The following OSMR variants were observed in gnomAD, a reference collection of about 807,000 sequenced individuals.
OSMR encodes oncostatin-M-specific receptor subunit beta.
OSMR carries 81 observed loss-of-function variants against 99.9 expected under a neutral mutation model. The ratio of observed to expected loss-of-function variants is 0.81; its 90% CI spans 0.68 to 0.97. The LOEUF (loss-of-function observed/expected upper bound fraction) is 0.97, where lower values mean the gene tolerates loss of function less well. OSMR is among the 50% of genes least tolerant of loss of function. OSMR has a pLI of 0.00. For synonymous variants in OSMR, 406 were observed against 410.4 expected (o/e 0.99, Z 0.13); for missense variants, 1,099 against 1,153.4 (o/e 0.95, Z 0.68).
At chr5:38,893,519 A>G (rs927593573) in intron 7 of OSMR, among the ~76,000 whole-genome samples, 11 of 152,210 alleles carry the variant, frequency 7.2e-5, no homozygotes, top group African/African-American at 2.4e-4. Flanking sequence ...AAACTCACTT[A>G]AGGAATTTCA....
downstream of OSMR, chr5:38,940,130 TA>T (rs1554057737): frequency 0.011 from 938 of 84,128 alleles, no homozygotes; most frequent in Non-Finnish European, 0.014. Context: ...AAAGTAACAG[TA>T]AAAAAAAAAA....
At chr5:38,918,649 C>A in intron 10 of OSMR, 191 bp from the exon 11 acceptor site, 1 of 726,308 alleles carries the variant, frequency 1.4e-6, no homozygotes, top group Non-Finnish European at 1.7e-6. Context: ...CTCTTCTCTA[C>A]TCACCTTCAG....
At chr5:38,876,604 A>C (rs1051705338) in intron 3 of OSMR, among the ~76,000 whole-genome samples, 2 of 152,204 alleles carry the variant, frequency 1.3e-5, no homozygotes, top group Admixed American at 1.3e-4. Flanking sequence ...AGATTTTCTC[A>C]GTTTTGCTCT....
At chr5:38,902,412 C>A (rs1182062999) in intron 7 of OSMR, among the ~76,000 whole-genome samples, 1 of 152,234 alleles carries the variant, frequency 6.6e-6, no homozygotes, top group Non-Finnish European at 1.5e-5. Flanking sequence ...GGGCCCTGCC[C>A]ACAACCAGAT....
rs564126258 is a variant in OSMR, at chr5:38,908,448, G to A, written c.1285+3945G>A. Among the ~76,000 whole-genome samples the A allele has an allele frequency of 3.3e-5, 5 of 152,216 alleles. No homozygotes were observed. The East Asian group carries it at 9.6e-4, about 29-fold the overall frequency. On this transcript the variant is annotated intron_variant, in intron 9 of 17. Coordinates refer to ENST00000274276, the MANE Select transcript of OSMR (RefSeq NM_003999.3). ...TGCACTGCCCTAGCTGCTGGCACAT[G>A]TGAGTGAGCATGGACCCTGCTGCCA...
At chr5:38,925,176 GA>G (rs576680086) in intron 14 of OSMR, 27 bp from the exon 15 acceptor site, 30 of 1,588,006 alleles carry the variant, frequency 1.9e-5, no homozygotes, top group Admixed American at 1.0e-4. Context: ...TTTTTTCCTT[GA>G]AAAAAAAACC....
At position 38,879,655 on chromosome 5, in the gene OSMR, ACT is replaced by A. The variant is rs1192939979; in HGVS notation, c.247-1935_247-1934del. Among the ~76,000 whole-genome samples the A allele has an allele frequency of 4.6e-4, 60 of 131,134 alleles. 1 individual carries two copies. The highest frequency in any genetic ancestry group is 1.5e-3 in the African/African-American group (50 of 33,780). 86.0% of individuals were successfully genotyped at this position (131,134 alleles called of 152,430 possible). Reference sequence around the variant, plus strand: ...TTTTTTTTTTTTGAGATGGAGTCTCACTCTGTTGCCCAGGGTGGAGTGCAGTG... The same window carrying A: ...TTTTTTTTTTTTGAGATGGAGTCTCACTGTTGCCCAGGGTGGAGTGCAGTG... On this transcript the variant is annotated intron_variant, in intron 3 of 17. Transcript: ENST00000274276.
intron 1 of OSMR, among the ~76,000 whole-genome samples, chr5:38,859,485 T>G (rs1418121153): frequency 6.6e-6 from 1 of 152,200 alleles, no homozygotes; most frequent in Non-Finnish European, 1.5e-5. Flanking sequence ...AATATCATGC[T>G]GTTTGGGTTA....
chr5:38,908,316 G>A (rs1475417379), intron 9 of OSMR, among the ~76,000 whole-genome samples: 1 of 152,166 alleles, frequency 6.6e-6, no homozygotes, highest in Non-Finnish European at 1.5e-5. Flanking sequence ...ACTGTCACTG[G>A]CACTTCTGCC....
intron 1 of OSMR, among the ~76,000 whole-genome samples, chr5:38,857,058 C>G (rs1740912184): frequency 2.0e-5 from 3 of 152,170 alleles, no homozygotes; most frequent in African/African-American, 7.2e-5. Context: ...CTTTTATTCT[C>G]TAATTTCTGC....
chr5:38,942,451 A>T, intron 1 of OSMR: 3 of 788,538 alleles, frequency 3.8e-6, no homozygotes, highest in South Asian at 2.7e-5. Flanking sequence ...ATAAATATCT[A>T]ATTTTTTTTT....
At chr5:38,931,854 A>T (rs1234469250) in intron 15 of OSMR, 29 bp from the exon 16 acceptor site, 4 of 1,603,196 alleles carry the variant, frequency 2.5e-6, no homozygotes. Flanking sequence ...GTACTTATTA[A>T]AAATGTCCCT....
At chr5:38,868,972 GA>G in intron 1 of OSMR, 59 bp from the exon 2 acceptor site, 1 of 1,583,712 alleles carries the variant, frequency 6.3e-7, no homozygotes, top group Non-Finnish European at 8.6e-7. Context: ...TTGGCTCGAA[GA>G]AATTTGCCAG....
Position 38,885,472 on chromosome 5 carries a change from C to G in OSMR, c.827C>G (p.Thr276Ser). Residue 276 changes from threonine (T) to serine (S), a missense_variant, in exon 6 of 18, where the codon ACT becomes AGT. Coordinates refer to ENST00000274276, the MANE Select transcript of OSMR (RefSeq NM_003999.3). ...TCTAAACAACCTTCCCAAAGCTACA[C>G]TTTATTTGAATCGTAAGTTGGCTCT... is the stretch of plus-strand genomic sequence containing the variant. ...GWSKQPSQSYTLFESFSGEKK... is the reference protein window; with the variant it reads ...GWSKQPSQSYSLFESFSGEKK... The G allele has an allele frequency of 5.0e-6, 8 of 1,614,058 alleles. No individual in the cohort carries two copies. Among genetic ancestry groups the G allele is most frequent in the Non-Finnish European group, 6.8e-6 (8 of 1,179,932 alleles).
chr5:38,915,977 C>T (rs1474163714), intron 9 of OSMR, among the ~76,000 whole-genome samples: 1 of 152,120 alleles, frequency 6.6e-6, no homozygotes, highest in East Asian at 1.9e-4. Context: ...CAGTTAAAGC[C>T]TGATATTTCT....
chr5:38,914,395 AG>A (rs1235573914), intron 9 of OSMR, among the ~76,000 whole-genome samples: 1 of 152,244 alleles, frequency 6.6e-6, no homozygotes, highest in African/African-American at 2.4e-5. Flanking sequence ...TGCAGGGAAA[AG>A]GGAACACTTA....
At chr5:38,890,602 C>CTTTTTTTTTTTTTTTTTTTTTTTTTT (rs58375870) in intron 7 of OSMR, among the ~76,000 whole-genome samples, 1 of 140,098 alleles carries the variant, frequency 7.1e-6, no homozygotes, top group Non-Finnish European at 1.6e-5. Context: ...AAAGCCCCCT[C>CTTTTTTTTTTTTTTTTTTTTTTTTTT]TTTTTTTTTT....
At chr5:38,854,382 A>G (rs940896115) in intron 1 of OSMR, among the ~76,000 whole-genome samples, 2 of 152,230 alleles carry the variant, frequency 1.3e-5, no homozygotes, top group Non-Finnish European at 2.9e-5. Flanking sequence ...ACTGAAATCC[A>G]TTTAAAAAGT....
intron 7 of OSMR, among the ~76,000 whole-genome samples, chr5:38,894,698 A>G (rs1274422171): frequency 2.0e-5 from 3 of 151,098 alleles, no homozygotes; most frequent in African/African-American, 7.3e-5. Flanking sequence ...TTCATAAAAC[A>G]AGTACTTCTT....
Sources: allele counts gnomAD v4.1 joint callset (sites outside exome capture counted in the v4.1 genomes callset), GRCh38; gene constraint gnomAD v4.1.1; transcripts MANE v1.5; gene names NCBI Gene and HGNC (gene_info 2026-07-23, HGNC 2026-07-21).